Variants in ASB15 observed in about 807,000 individuals in gnomAD.
The protein encoded by ASB15 is ankyrin repeat and SOCS box protein 15.
Under a neutral mutation model 58.0 loss-of-function variants are expected in ASB15, and 54 were observed. The observed-to-expected ratio is 0.93, with a 90% confidence interval of 0.75 to 1.17. The LOEUF (loss-of-function observed/expected upper bound fraction) is 1.17, where lower values mean the gene tolerates loss of function less well. Among genes scored for constraint, ASB15 ranks in the 50% most tolerant of loss-of-function variants. The pLI, the probability that ASB15 is intolerant of heterozygous loss-of-function variation, is 0.00. For synonymous variants in ASB15, 249 were observed against 262.4 expected, an observed-to-expected ratio of 0.95 and a Z score of 0.50; for missense variants, 680 against 707.4, an observed-to-expected ratio of 0.96 and a Z score of 0.44.
intron 1 of ASB15, among the ~76,000 whole-genome samples, chr7:123,590,121 T>C (rs1039235015): frequency 1.3e-5 from 2 of 152,202 alleles, no homozygotes; most frequent in Non-Finnish European, 2.9e-5. Flanking sequence ...ATGTCTTCTT[T>C]TGAGAAGTGT....
intron 1 of ASB15, among the ~76,000 whole-genome samples, chr7:123,587,665 T>A (rs147634031): frequency 3.2e-4 from 49 of 151,858 alleles, no homozygotes; most frequent in African/African-American, 1.1e-3. Flanking sequence ...GTATGTTCAC[T>A]GTAAGCTTGC....
chr7:123,631,342 T>G (rs1431998212), intron 11 of ASB15, among the ~76,000 whole-genome samples: 1 of 152,218 alleles, frequency 6.6e-6, no homozygotes, highest in Non-Finnish European at 1.5e-5. Context: ...AATAAATTTA[T>G]TTAGTTTTAA....
At chr7:123,611,150 C>T (rs75243851) in intron 3 of ASB15, among the ~76,000 whole-genome samples, 2,571 of 150,558 alleles carry the variant, frequency 0.017, 76 homozygotes, top group African/African-American at 0.059. Flanking sequence ...GGGATACCCA[C>T]ACATATACCT....
intron 1 of ASB15, among the ~76,000 whole-genome samples, chr7:123,589,979 CT>C (rs916439311): frequency 1.8e-4 from 27 of 152,152 alleles, no homozygotes; most frequent in Admixed American, 1.7e-3. Flanking sequence ...TCTCCAGCAT[CT>C]GTTGTTTCCT....
intron 1 of ASB15, among the ~76,000 whole-genome samples, chr7:123,590,491 T>C (rs1799504072): frequency 6.6e-6 from 1 of 152,166 alleles, no homozygotes; most frequent in Non-Finnish European, 1.5e-5. Context: ...CTTGAGTTAA[T>C]GTTTTGTAGG....
chr7:123,609,365 G>A (rs1321131912), intron 3 of ASB15, among the ~76,000 whole-genome samples: 2 of 152,048 alleles, frequency 1.3e-5, no homozygotes, highest in African/African-American at 4.8e-5. Context: ...CCAGTATGTT[G>A]CTATCTAAAT....
At chr7:123,593,022 T>C (rs1799584536) in intron 1 of ASB15, among the ~76,000 whole-genome samples, 1 of 152,206 alleles carries the variant, frequency 6.6e-6, no homozygotes, top group South Asian at 2.1e-4. Context: ...TACCATTATG[T>C]AATGGTTTTC....
At chr7:123,575,412 A>G (rs1285602170) in intron 1 of ASB15, among the ~76,000 whole-genome samples, 1 of 152,152 alleles carries the variant, frequency 6.6e-6, no homozygotes, top group East Asian at 1.9e-4. Context: ...TCTCCTTTCA[A>G]TCTCAGATAT....
chr7:123,597,250 GC>G (rs1799724339), upstream of ASB15, among the ~76,000 whole-genome samples: 1 of 152,100 alleles, frequency 6.6e-6, no homozygotes, highest in Non-Finnish European at 1.5e-5. Flanking sequence ...TATGTCACCA[GC>G]CTATCTGAAC....
At chr7:123,592,478 C>T (rs913712085) in intron 1 of ASB15, among the ~76,000 whole-genome samples, 2 of 152,110 alleles carry the variant, frequency 1.3e-5, no homozygotes, top group Admixed American at 6.6e-5. Context: ...GATTCTGGTA[C>T]GTTGTGTCTT....
intron 9 of ASB15, 116 bp downstream of exon 9, chr7:123,627,397 C>A: frequency 1.2e-6 from 1 of 816,984 alleles, no homozygotes; most frequent in Non-Finnish European, 1.7e-6. Flanking sequence ...TAGGCATAAT[C>A]TTCAGGTTTT....
intron 1 of ASB15, among the ~76,000 whole-genome samples, chr7:123,581,216 A>G (rs1799226149): frequency 6.6e-6 from 1 of 151,910 alleles, no homozygotes; most frequent in African/African-American, 2.4e-5. Flanking sequence ...CATGATACTT[A>G]CTAGATAGTA....
chr7:123,624,254 T>C (rs1261379988), intron 7 of ASB15, among the ~76,000 whole-genome samples: 4 of 152,214 alleles, frequency 2.6e-5, no homozygotes, highest in Non-Finnish European at 5.9e-5. Context: ...TATTTCCATT[T>C]TGTTGGTGAA....
At chr7:123,594,883 G>GC (rs1554386794) in intron 1 of ASB15, among the ~76,000 whole-genome samples, 2 of 152,208 alleles carry the variant, frequency 1.3e-5, no homozygotes, top group Non-Finnish European at 2.9e-5. Context: ...GATAGGCCCT[G>GC]CCCCCAGAGG....
intron 1 of ASB15, among the ~76,000 whole-genome samples, chr7:123,590,707 T>C (rs1002735345): frequency 2.6e-5 from 4 of 152,216 alleles, no homozygotes; most frequent in Admixed American, 1.3e-4. Context: ...TGTAGCCTCA[T>C]AGTATAGTTC....
intron 11 of ASB15, 21 bp downstream of exon 11, chr7:123,630,140 C>A: frequency 6.5e-7 from 1 of 1,534,250 alleles, no homozygotes; most frequent in Admixed American, 2.0e-5. Context: ...AAAGTTTTGC[C>A]TACAATTTTT....
intron 4 of ASB15, 106 bp downstream of exon 4, chr7:123,614,715 C>G: frequency 1.3e-6 from 1 of 779,042 alleles, no homozygotes; most frequent in South Asian, 1.5e-5. Context: ...GAAAATTGAC[C>G]TTTCCTTTCT....
At chr7:123,621,134 G>T (rs1801294689) in intron 7 of ASB15, among the ~76,000 whole-genome samples, 1 of 152,116 alleles carries the variant, frequency 6.6e-6, no homozygotes, top group African/African-American at 2.4e-5. Flanking sequence ...CTACAACAGA[G>T]CAGTAAACAT....
intron 1 of ASB15, among the ~76,000 whole-genome samples, chr7:123,568,389 G>T (rs949229606): frequency 6.6e-6 from 1 of 151,788 alleles, no homozygotes; most frequent in African/African-American, 2.4e-5. Context: ...GCATGGTGGC[G>T]CATGCTTGTA....
Sources: gnomAD v4.1 joint callset for allele counts (sites outside exome capture counted in the v4.1 genomes callset) on GRCh38, gnomAD v4.1.1 for gene constraint, MANE v1.5 for transcripts, NCBI Gene and HGNC (gene_info 2026-07-23, HGNC 2026-07-21) for gene names.